The following PPP1R21 variants were observed in gnomAD, a reference collection of about 807,000 sequenced individuals.
PPP1R21 encodes KLRAQ motif containing 1.
Under a neutral mutation model 112.8 loss-of-function variants are expected in PPP1R21, and 85 were observed. The observed-to-expected ratio is 0.75, with a 90% CI of 0.63 to 0.90. The LOEUF is 0.90. PPP1R21 is among the 40% of genes least tolerant of loss of function. PPP1R21 has a pLI of 0.00. For missense variants in PPP1R21, 1,199 were observed against 901.5 expected, an observed-to-expected ratio of 1.33 and a Z score of -4.23; for synonymous variants, 381 against 322.3, an observed-to-expected ratio of 1.18 and a Z score of -1.95.
chr2:48,441,306 C>T (rs979005314), intron 1 of PPP1R21: 1 of 489,426 alleles, frequency 2.0e-6, no homozygotes, highest in South Asian at 2.3e-5. Flanking sequence ...GGCTTCTTGC[C>T]TCTAATGCTG....
chr2:48,456,791 G>A (rs1239078632), intron 3 of PPP1R21, among the ~76,000 whole-genome samples: 4 of 152,168 alleles, frequency 2.6e-5, no homozygotes, highest in African/African-American at 7.2e-5. Context: ...AGTGGCTCAC[G>A]CCTGTAATCC....
At chr2:48,468,825 A>ATGTGTGTG (rs757951323) in intron 9 of PPP1R21, among the ~76,000 whole-genome samples, 115 of 43,946 alleles carry the variant, frequency 2.6e-3, no homozygotes, top group South Asian at 9.2e-3. Context: ...AAGAAAAAAA[A>ATGTGTGTG]TGTATGTGTG....
chr2:48,488,526 C>G (rs1437083914), intron 14 of PPP1R21, among the ~76,000 whole-genome samples: 1 of 152,116 alleles, frequency 6.6e-6, no homozygotes, highest in African/African-American at 2.4e-5. Context: ...GCCACCATGC[C>G]TGGCTAATTT....
intron 17 of PPP1R21, among the ~76,000 whole-genome samples, chr2:48,501,233 C>G (rs1204877823): frequency 1.3e-5 from 2 of 152,220 alleles, no homozygotes; most frequent in Non-Finnish European, 2.9e-5. Flanking sequence ...ACTCCCTTGC[C>G]TTTAGATTTT....
chr2:48,491,229 A>G (rs1222920498), intron 15 of PPP1R21, 59 bp downstream of exon 15: 2 of 1,553,146 alleles, frequency 1.3e-6, no homozygotes, highest in Middle Eastern at 1.7e-4. Context: ...ATTCTAGAGA[A>G]TGGCAAGAGT....
intron 9 of PPP1R21, among the ~76,000 whole-genome samples, chr2:48,468,160 A>G (rs576399237): frequency 6.6e-6 from 1 of 152,328 alleles, no homozygotes; most frequent in Admixed American, 6.5e-5. Flanking sequence ...TCTCATCTTT[A>G]AAATGGGAGA....
intron 11 of PPP1R21, among the ~76,000 whole-genome samples, chr2:48,472,085 C>A (rs993085942): frequency 1.3e-5 from 2 of 151,276 alleles, no homozygotes; most frequent in African/African-American, 2.4e-5. Flanking sequence ...TCTAAAAATA[C>A]AAAAATTAGC....
rs368832372 is a variant in PPP1R21, at chr2:48,440,944, G to T, written c.-10G>T. 1.1e-5 allele frequency: 17 copies of T among 1,604,330 alleles called. No individual in the cohort carries two copies. Among genetic ancestry groups the T allele is most frequent in the African/African-American group, 1.3e-5 (1 of 74,678 alleles). The stretch of plus-strand genomic sequence containing the variant: ...CTGGGCGGCCTGGCCTGTACGGGGC[G>T]GGGGAGGCCATGGCCTCGGCTGAGT... On this transcript the variant is annotated 5_prime_UTR_variant, in exon 1 of 22. Coordinates refer to ENST00000294952, the MANE Select transcript of PPP1R21 (RefSeq NM_001135629.3).
intron 15 of PPP1R21, 123 bp downstream of exon 15, chr2:48,491,293 TGGTG>T (rs1000117641): frequency 4.7e-5 from 51 of 1,074,246 alleles, no homozygotes; most frequent in Admixed American, 3.6e-4. Flanking sequence ...TACAGGTTGT[TGGTG>T]GGTGTTGGGG....
rs1667637520 is a variant in PPP1R21 at position 48,454,713 on chromosome 2, T to G, written c.245T>G (p.Leu82Arg). The change falls in exon 3 of 22, where the codon CTA (leucine) becomes CGA (arginine). Residue 82 changes from leucine (L) to arginine (R), a missense_variant. Transcript: ENST00000294952. ...RVELLQDELA[L>R]SEPRGKKNKK... is the part of the protein sequence containing the mutation. The stretch of plus-strand genomic sequence containing the variant: ...GAACTACTTCAAGATGAACTAGCTC[T>G]AAGTGAACCACGAGGCAAGAAAAAC... The G allele has an allele frequency of 1.2e-6, 2 of 1,614,000 alleles. No individual in the cohort carries two copies. Among genetic ancestry groups the G allele is most frequent in the Non-Finnish European group, 1.7e-6 (2 of 1,179,882 alleles).
chr2:48,471,547 A>G, intron 11 of PPP1R21, 180 bp downstream of exon 11: 1 of 591,062 alleles, frequency 1.7e-6, no homozygotes, highest in Admixed American at 3.5e-5. Context: ...TAAATTTAAG[A>G]AAGTTGAATT....
intron 19 of PPP1R21, 68 bp downstream of exon 19, chr2:48,507,453 G>C: frequency 6.4e-7 from 1 of 1,555,538 alleles, no homozygotes; most frequent in Non-Finnish European, 8.6e-7. Context: ...ACACTGTCCT[G>C]TTTTCATGCT....
At chr2:48,461,310 A>T in intron 7 of PPP1R21, 78 bp downstream of exon 7, 1 of 1,400,854 alleles carries the variant, frequency 7.1e-7, no homozygotes, top group South Asian at 1.7e-5. Flanking sequence ...AGTAATTTTT[A>T]ATCTTTTGGG....
At chr2:48,514,661 G>T in intron 21 of PPP1R21, 54 bp from the exon 22 acceptor site, 2 of 1,309,754 alleles carry the variant, frequency 1.5e-6, no homozygotes, top group Admixed American at 1.7e-5. Flanking sequence ...TAAACTATGT[G>T]AGTTATTTTT....
rs138725765 is a variant in PPP1R21, at chr2:48,461,275, C to A, written c.694+43C>A. 133 of 1,490,864 alleles carry A rather than the reference C, an allele frequency of 8.9e-5. 1 individual carries two copies. The East Asian group carries it at 3.4e-3, about 38-fold the overall frequency. 92.4% of individuals were successfully genotyped at this position (1,490,864 alleles called of 1,614,324 possible). ...TTTTCCATTATTTGTAACTTTGAAT[C>A]TCTCTGTGGTAGCCAACTAATTAAA... On this transcript the variant is annotated intron_variant, in intron 7 of 21. Transcript: ENST00000294952.
chr2:48,458,038 G>C, intron 3 of PPP1R21, 88 bp from the exon 4 acceptor site: 1 of 852,352 alleles, frequency 1.2e-6, no homozygotes, highest in Non-Finnish European at 2.0e-6. Flanking sequence ...GAAGAGACAA[G>C]CTTCTAAGAT....
chr2:48,459,608 T>C, intron 4 of PPP1R21, 146 bp from the exon 5 acceptor site: 1 of 798,938 alleles, frequency 1.3e-6, no homozygotes, highest in Admixed American at 3.2e-5. Flanking sequence ...CCTGTGAGGA[T>C]TTAATGAGAT....
intron 2 of PPP1R21, among the ~76,000 whole-genome samples, chr2:48,452,296 T>C (rs1349021975): frequency 6.6e-6 from 1 of 152,180 alleles, no homozygotes; most frequent in Non-Finnish European, 1.5e-5. Context: ...GCTGGTTCTA[T>C]TGATTGAGCA....
At chr2:48,461,303 A>C in intron 7 of PPP1R21, 71 bp downstream of exon 7, 1 of 1,418,434 alleles carries the variant, frequency 7.1e-7, no homozygotes, top group Non-Finnish European at 9.2e-7. Context: ...TAATTAAAGT[A>C]ATTTTTAATC....
Sources: allele counts gnomAD v4.1 joint callset (sites outside exome capture counted in the v4.1 genomes callset), GRCh38; gene constraint gnomAD v4.1.1; transcripts MANE v1.5; gene names NCBI Gene and HGNC (gene_info 2026-07-23, HGNC 2026-07-21).